The following PLCG2 variants were observed in gnomAD, a reference collection of about 807,000 sequenced individuals.
The protein encoded by PLCG2 is phospholipase C gamma 2.
Under a neutral mutation model 175.6 loss-of-function variants are expected in PLCG2, and 69 were observed. The observed-to-expected ratio is 0.39, with a 90% CI of 0.32 to 0.48. The LOEUF is 0.48. Among genes scored for constraint, PLCG2 ranks in the 20% least tolerant of loss-of-function variants. The pLI is 0.91. For missense variants in PLCG2, 1,798 were observed against 1,650.9 expected (o/e 1.09, Z -1.54); for synonymous variants, 827 against 624.0 (o/e 1.33, Z -4.85).
At chr16:81,943,994 G>C (rs985061081) in intron 30 of PLCG2, among the ~76,000 whole-genome samples, 2 of 152,148 alleles carry the variant, frequency 1.3e-5, no homozygotes, top group African/African-American at 4.8e-5. Context: ...GAGAACAAAA[G>C]AGGACAAATT....
At chr16:81,788,381 T>C (rs953758820) in intron 2 of PLCG2, among the ~76,000 whole-genome samples, 9 of 152,132 alleles carry the variant, frequency 5.9e-5, no homozygotes, top group African/African-American at 1.4e-4. Flanking sequence ...CCCGGATTCA[T>C]GCCATTCTCC....
At chr16:81,873,360 T>C (rs1029110673) in intron 7 of PLCG2, among the ~76,000 whole-genome samples, 1 of 152,258 alleles carries the variant, frequency 6.6e-6, no homozygotes, top group Non-Finnish European at 1.5e-5. Context: ...CAGAATACTT[T>C]TTAAGGTTAA....
chr16:81,942,327 G>A (rs1910976328), intron 30 of PLCG2, among the ~76,000 whole-genome samples: 1 of 152,136 alleles, frequency 6.6e-6, no homozygotes, highest in African/African-American at 2.4e-5. Context: ...TGGAGATTTG[G>A]AAAAAACAAA....
chr16:81,802,911 A>C (rs1363241193), intron 2 of PLCG2, among the ~76,000 whole-genome samples: 1 of 152,144 alleles, frequency 6.6e-6, no homozygotes, highest in Non-Finnish European at 1.5e-5. Flanking sequence ...TATACTGTTA[A>C]GTGGTTTTTA....
intron 9 of PLCG2, among the ~76,000 whole-genome samples, chr16:81,887,033 G>A (rs557638060): frequency 6.6e-5 from 10 of 152,098 alleles, no homozygotes; most frequent in Middle Eastern, 3.4e-3. Flanking sequence ...AAGTACCCAT[G>A]CCTTTTGATA....
At chr16:81,903,256 T>C (rs1909227877) in intron 14 of PLCG2, among the ~76,000 whole-genome samples, 1 of 152,128 alleles carries the variant, frequency 6.6e-6, no homozygotes, top group Admixed American at 6.5e-5. Flanking sequence ...ATATTATCAC[T>C]GGGCCACCAA....
At chr16:81,902,325 A>G (rs1041068077) in intron 14 of PLCG2, among the ~76,000 whole-genome samples, 2 of 152,202 alleles carry the variant, frequency 1.3e-5, no homozygotes, top group Non-Finnish European at 2.9e-5. Flanking sequence ...TGGGTGGGTT[A>G]TAAACAACAG....
chr16:81,759,981 C>T (rs1451131127), intron 2 of PLCG2, among the ~76,000 whole-genome samples: 2 of 152,114 alleles, frequency 1.3e-5, no homozygotes, highest in East Asian at 3.9e-4. Flanking sequence ...GAAAAATTAG[C>T]CGGGAGTGGT....
chr16:81,852,502 C>T (rs1906468848), intron 2 of PLCG2, among the ~76,000 whole-genome samples: 2 of 152,122 alleles, frequency 1.3e-5, no homozygotes, highest in African/African-American at 4.8e-5. Context: ...GAGCTTGTGT[C>T]TCTGTGCCAG....
At chr16:81,793,850 G>T (rs1446050965) in intron 2 of PLCG2, among the ~76,000 whole-genome samples, 3 of 152,186 alleles carry the variant, frequency 2.0e-5, no homozygotes, top group African/African-American at 4.8e-5. Flanking sequence ...GAGATGACAT[G>T]CCCAAGTTAA....
intron 2 of PLCG2, among the ~76,000 whole-genome samples, chr16:81,764,403 G>C (rs868322090): frequency 6.6e-6 from 1 of 152,220 alleles, no homozygotes; most frequent in African/African-American, 2.4e-5. Context: ...ATGTCAATGT[G>C]ACAGTGTAGA....
At chr16:81,944,766 G>A (rs1567544844) in intron 30 of PLCG2, among the ~76,000 whole-genome samples, 5 of 152,206 alleles carry the variant, frequency 3.3e-5, no homozygotes, top group East Asian at 1.9e-4. Flanking sequence ...ATGAGCCACC[G>A]TACTTGGCCA....
At chr16:81,837,891 A>G (rs1905608688) in intron 2 of PLCG2, among the ~76,000 whole-genome samples, 1 of 151,738 alleles carries the variant, frequency 6.6e-6, no homozygotes, top group Non-Finnish European at 1.5e-5. Flanking sequence ...CATTCATAGA[A>G]CCCACTACCA....
chr16:81,935,642 T>C (rs1467350690), intron 26 of PLCG2: 4 of 985,302 alleles, frequency 4.1e-6, no homozygotes, highest in Non-Finnish European at 3.6e-6. Flanking sequence ...GCATGTTGAC[T>C]GCCGGGCTAT....
chr16:81,881,001 G>A, intron 8 of PLCG2, 48 bp downstream of exon 8: 2 of 1,580,528 alleles, frequency 1.3e-6, no homozygotes, highest in South Asian at 2.2e-5. Context: ...CCGGACCTCG[G>A]TGCCTGGTGC....
chr16:81,886,020 G>C (rs1431234033), intron 9 of PLCG2, among the ~76,000 whole-genome samples: 2 of 152,204 alleles, frequency 1.3e-5, no homozygotes, highest in Non-Finnish European at 2.9e-5. Context: ...GAGTGAGGTA[G>C]AGAGAAATTC....
At chr16:81,910,247 T>C (rs1408260468) in intron 17 of PLCG2, among the ~76,000 whole-genome samples, 3 of 152,096 alleles carry the variant, frequency 2.0e-5, no homozygotes, top group East Asian at 3.9e-4. Context: ...TGCACCACCA[T>C]GCCCAGCTAA....
At chr16:81,906,758 G>C (rs1396598788) in intron 15 of PLCG2, among the ~76,000 whole-genome samples, 1 of 152,192 alleles carries the variant, frequency 6.6e-6, no homozygotes, top group Non-Finnish European at 1.5e-5. Flanking sequence ...AATTAAGTTG[G>C]GCCAGGCGCG....
At chr16:81,945,065 C>T (rs998555121) in intron 30 of PLCG2, among the ~76,000 whole-genome samples, 1 of 152,052 alleles carries the variant, frequency 6.6e-6, no homozygotes, top group African/African-American at 2.4e-5. Flanking sequence ...TGACAATACA[C>T]CTTAGGGGTG....
Sources: allele counts gnomAD v4.1 joint callset (sites outside exome capture counted in the v4.1 genomes callset), GRCh38; gene constraint gnomAD v4.1.1; transcripts MANE v1.5; gene names NCBI Gene and HGNC (gene_info 2026-07-23, HGNC 2026-07-21).